Variants in DUSP22 observed in about 807,000 individuals in gnomAD.
DUSP22 encodes dual specificity phosphatase 22, also known as dual specificity protein phosphatase 22.
A neutral mutation model predicts 24.5 loss-of-function variants in DUSP22; 24 were observed. The observed-to-expected ratio is 0.98, with a 90% CI of 0.71 to 1.38. DUSP22 has a LOEUF of 1.38. DUSP22 is among the 40% of genes most tolerant of loss of function. The pLI is 0.00. For missense variants in DUSP22, 330 were observed against 269.2 expected (o/e 1.23, Z -1.58); for synonymous variants, 160 against 106.4 (o/e 1.50, Z -3.10).
At chr6:298,329 C>T (rs950481086) in intron 1 of DUSP22, among the ~76,000 whole-genome samples, 31 of 152,296 alleles carry the variant, frequency 2.0e-4, no homozygotes, top group Non-Finnish European at 3.2e-4. Context: ...CCCCTTCATG[C>T]CTGGCTTTGA....
intron 5 of DUSP22, among the ~76,000 whole-genome samples, chr6:346,211 G>T (rs1464179203): frequency 3.3e-5 from 5 of 152,300 alleles, no homozygotes; most frequent in African/African-American, 1.2e-4. Flanking sequence ...ACTTCCCTTT[G>T]CTGGCTTGCC....
At position 311,871 on chromosome 6, in the gene DUSP22, C is replaced by T. The variant is rs375951257; in HGVS notation, c.56-9C>T. The T allele has an allele frequency of 2.5e-6, 4 of 1,608,426 alleles. No homozygotes were observed. The highest frequency in any genetic ancestry group is 3.3e-5 in the Admixed American group (2 of 59,722). On this transcript the variant is annotated splice_polypyrimidine_tract_variant and intron_variant, in intron 2 of 6. Transcript: ENST00000419235. The stretch of plus-strand genomic sequence containing the variant: ...TATCAAAATGTCCATCCCCTTTCTT[C>T]TCTGACAGATGCCAGAGACGCGGAA...
intron 6 of DUSP22, 66 bp from the exon 7 acceptor site, chr6:348,703 C>T: frequency 6.2e-7 from 1 of 1,601,214 alleles, no homozygotes; most frequent in Non-Finnish European, 8.5e-7. Context: ...GTCACAGGTG[C>T]AAGCCCACGT....
chr6:348,600 C>A (rs964989318), intron 6 of DUSP22, 169 bp from the exon 7 acceptor site: 2 of 1,192,160 alleles, frequency 1.7e-6, no homozygotes, highest in Admixed American at 4.9e-5. Flanking sequence ...GCAGTTCCTT[C>A]TCTTGCTTGA....
chr6:314,909 G>T (rs1178339098), intron 3 of DUSP22, among the ~76,000 whole-genome samples: 1 of 152,304 alleles, frequency 6.6e-6, no homozygotes, highest in Non-Finnish European at 1.5e-5. Context: ...GGGGGTTGGG[G>T]TTTCCCAAAA....
intron 3 of DUSP22, among the ~76,000 whole-genome samples, chr6:331,601 A>G (rs1446994694): frequency 6.6e-5 from 10 of 152,414 alleles, no homozygotes; most frequent in African/African-American, 9.6e-5. Flanking sequence ...GAACTTATTC[A>G]TTAGTACTAG....
Position 348,880 on chromosome 6 carries a change from G to T in DUSP22, c.547G>T (p.Gly183Cys). 6.2e-7 allele frequency: 1 copy of T among 1,614,194 alleles called. No individual in the cohort carries two copies. The highest frequency in any genetic ancestry group is 1.1e-5 in the South Asian group (1 of 91,086). ...KEQGRTEPQP[G>C]ARRWSSFPAL... ...GCAAGGGCGCACAGAGCCCCAGCCC[G>T]GCGCCAGGCGGTGGAGCAGTTTTCC... Residue 183 changes from glycine to cysteine, a missense_variant, in exon 7 of 7, where the codon GGC (glycine) becomes TGC (cysteine). Physicochemically the swap from Gly to Cys is radical, Grantham distance 159. Coordinates refer to ENST00000419235, the MANE Select transcript of DUSP22 (RefSeq NM_001286555.3).
chr6:328,904 T>G (rs537675756), intron 3 of DUSP22, among the ~76,000 whole-genome samples: 1 of 152,420 alleles, frequency 6.6e-6, no homozygotes, highest in South Asian at 2.1e-4. Context: ...CATACGTAAG[T>G]TTTTCCAGGT....
At chr6:300,630 G>A (rs1278805730) in intron 1 of DUSP22, among the ~76,000 whole-genome samples, 2 of 152,310 alleles carry the variant, frequency 1.3e-5, no homozygotes, top group Non-Finnish European at 2.9e-5. Context: ...CTGTCGGAGT[G>A]ATCTCTGGAG....
intron 1 of DUSP22, among the ~76,000 whole-genome samples, chr6:293,285 C>G (rs1213961056): frequency 2.0e-5 from 3 of 152,296 alleles, no homozygotes; most frequent in African/African-American, 7.2e-5. Context: ...TAGCCTTTCC[C>G]GTCCAGGGAA....
At chr6:342,872 G>T (rs1461692539) in intron 4 of DUSP22, among the ~76,000 whole-genome samples, 1 of 152,302 alleles carries the variant, frequency 6.6e-6, no homozygotes, top group East Asian at 1.9e-4. Context: ...AACAAAATCA[G>T]TGCGGCTGAC....
intron 1 of DUSP22, among the ~76,000 whole-genome samples, chr6:293,010 T>G (rs1197284521): frequency 4.6e-5 from 7 of 152,292 alleles, no homozygotes; most frequent in African/African-American, 1.7e-4. Flanking sequence ...TCTGTGTGTG[T>G]GCCTGTGAGC....
intron 1 of DUSP22, among the ~76,000 whole-genome samples, chr6:303,228 C>G (rs1757665276): frequency 6.6e-6 from 1 of 152,304 alleles, no homozygotes; most frequent in African/African-American, 2.4e-5. Flanking sequence ...CCAGGACGAA[C>G]TTGCATTGTT....
intron 1 of DUSP22, among the ~76,000 whole-genome samples, chr6:297,797 A>G (rs1334721899): frequency 6.6e-6 from 1 of 152,296 alleles, no homozygotes; most frequent in Non-Finnish European, 1.5e-5. Context: ...TCATACGGGA[A>G]GGGCTGGCAG....
intron 3 of DUSP22, among the ~76,000 whole-genome samples, chr6:330,613 A>G (rs931313225): frequency 1.3e-5 from 2 of 152,420 alleles, no homozygotes; most frequent in Admixed American, 1.3e-4. Flanking sequence ...AAAGGTAAAA[A>G]CCTTACTTTT....
chr6:350,098 T>A lies in DUSP22; in HGVS notation c.*1147T>A. The A allele has an allele frequency of 1.0e-6, 1 of 986,000 alleles. No homozygotes were observed. The highest frequency in any genetic ancestry group is 1.2e-6 in the Non-Finnish European group (1 of 830,310). The allele number at this position is 986,000 out of a possible 1,614,324, so 61.1% of individuals were successfully genotyped here. A position where few individuals can be genotyped will look rare whatever the true frequency, so the allele number is the denominator to read the frequency against. The stretch of plus-strand genomic sequence containing the variant: ...TGATAATTGATCTGAGCTACCTCAT[T>A]GAATGTTTTTGGAAAGGTGTTTTTT... On this transcript the variant is annotated 3_prime_UTR_variant, in exon 7 of 7. Coordinates refer to ENST00000419235, the MANE Select transcript of DUSP22 (RefSeq NM_001286555.3).
rs533731606 is a variant in DUSP22, at chr6:332,579, G to A, written c.139-2535G>A. ...GAAGCACAATACTGTCCAGTCCCAC[G>A]GCTGGTATTTATAGCCAGCAAAGAG... On this transcript the variant is annotated intron_variant, in intron 3 of 6. Coordinates refer to ENST00000419235, the MANE Select transcript of DUSP22 (RefSeq NM_001286555.3). Among the ~76,000 whole-genome samples the A allele has an allele frequency of 1.2e-4, 19 of 152,348 alleles. No individual in the cohort carries two copies. The East Asian group carries it at 1.7e-3, about 14-fold the overall frequency.
At chr6:322,834 G>GT (rs1758669292) in intron 3 of DUSP22, among the ~76,000 whole-genome samples, 2 of 47,968 alleles carry the variant, frequency 4.2e-5, no homozygotes, top group South Asian at 1.3e-3. Context: ...GCTTGGTGGG[G>GT]CGGGGGGGGG....
In DUSP22 at chr6:348,123, G is replaced by A. The variant is rs1289543199; in HGVS notation, c.284G>A (p.Ser95Asn). 9.3e-6 allele frequency: 15 copies of A among 1,614,166 alleles called. No homozygotes were observed. Among genetic ancestry groups the A allele is most frequent in the Non-Finnish European group, 1.3e-5 (15 of 1,180,068 alleles). ...CGCAGCCTGGCCGGGGTCTCCAGGA[G>A]CGTGACACTGGTGATCGCATACATC... ...LVHCLAGVSR[S>N]VTLVIAYIMT... Residue 95 changes from serine (S) to asparagine (N), a missense_variant, in exon 6 of 7, where the codon AGC (serine) becomes AAC (asparagine). Ser to Asn is a conservative substitution (Grantham distance 46). Transcript: ENST00000419235.
Sources: allele counts gnomAD v4.1 joint callset (sites outside exome capture counted in the v4.1 genomes callset), GRCh38; gene constraint gnomAD v4.1.1; transcripts MANE v1.5; gene names NCBI Gene and HGNC (gene_info 2026-07-23, HGNC 2026-07-21).